The following KCNH7 variants were observed in gnomAD, a reference collection of about 807,000 sequenced individuals.
The protein encoded by KCNH7 is voltage-gated inwardly rectifying potassium channel KCNH7.
Under a neutral mutation model 120.8 loss-of-function variants are expected in KCNH7, and 49 were observed. The ratio of observed to expected loss-of-function variants is 0.41; its 90% CI spans 0.32 to 0.51. The LOEUF is 0.51. Ranked by LOEUF, KCNH7 falls within the 20% of genes least tolerant of loss-of-function variation. The pLI, the probability that KCNH7 is intolerant of heterozygous loss-of-function variation, is 0.38. For synonymous variants in KCNH7, 547 were observed against 516.1 expected, an observed-to-expected ratio of 1.06 and a Z score of -0.81; for missense variants, 1,097 against 1,446.6, an observed-to-expected ratio of 0.76 and a Z score of 3.92.
chr2:162,585,300 A>C (rs1693990527), intron 2 of KCNH7, among the ~76,000 whole-genome samples: 1 of 152,064 alleles, frequency 6.6e-6, no homozygotes, highest in South Asian at 2.1e-4. Flanking sequence ...TTTCTGCTGC[A>C]GTTGTAAACT....
intron 2 of KCNH7, among the ~76,000 whole-genome samples, chr2:162,714,497 A>G (rs983073548): frequency 6.6e-6 from 1 of 152,218 alleles, no homozygotes; most frequent in Non-Finnish European, 1.5e-5. Context: ...ACCCTTCCAA[A>G]TATTCACTGA....
chr2:162,526,551 C>T (rs919094542), intron 3 of KCNH7, among the ~76,000 whole-genome samples: 1 of 151,934 alleles, frequency 6.6e-6, no homozygotes, highest in Non-Finnish European at 1.5e-5. Context: ...AGGGATGTTC[C>T]TTGCTGAGAA....
Position 162,752,631 on chromosome 2 carries a change from G to T in KCNH7, c.307+83906C>A, listed in dbSNP as rs550422844. Among the ~76,000 whole-genome samples the T allele has an allele frequency of 5.3e-4, 80 of 152,068 alleles. 1 individual carries two copies. In the South Asian group the frequency reaches 0.011, roughly 21 times the overall value. On this transcript the variant is annotated intron_variant, in intron 2 of 15. Transcript: ENST00000332142. The stretch of plus-strand genomic sequence containing the variant: ...TTAAGAACCCCTGCCAGGTGCAGTG[G>T]CTCACGTCTGTAATCCCAGCACTTT...
In KCNH7 at chr2:162,384,644, A is replaced by T. The variant is rs762160162; in HGVS notation, c.2962+44T>A. The T allele has an allele frequency of 3.2e-6, 5 of 1,582,660 alleles. No individual in the cohort carries two copies. In the South Asian group the frequency reaches 5.7e-5, roughly 18 times the overall value. ...ATTTGTAAAAAGTCACCATTTTGTG[A>T]TTAGCACTGAAGAGAGACCACCTGA... On this transcript the variant is annotated intron_variant, in intron 13 of 15. Coordinates refer to ENST00000332142, the MANE Select transcript of KCNH7 (RefSeq NM_033272.4).
intron 2 of KCNH7, among the ~76,000 whole-genome samples, chr2:162,630,326 T>C (rs1367969063): frequency 6.6e-6 from 1 of 152,050 alleles, no homozygotes; most frequent in Non-Finnish European, 1.5e-5. Flanking sequence ...TTACACCCAT[T>C]GTTATGACAT....
chr2:162,760,623 T>C (rs947482317), intron 2 of KCNH7, among the ~76,000 whole-genome samples: 1 of 152,084 alleles, frequency 6.6e-6, no homozygotes, highest in Admixed American at 6.6e-5. Context: ...CTAAATAATA[T>C]CTTCTGAGCC....
chr2:162,400,554 T>C, intron 9 of KCNH7, 113 bp from the exon 10 acceptor site: 1 of 1,001,748 alleles, frequency 1.0e-6, no homozygotes, highest in Non-Finnish European at 1.5e-6. Flanking sequence ...CACGCAGGAG[T>C]TCCTACTACT....
intron 6 of KCNH7, among the ~76,000 whole-genome samples, chr2:162,461,213 T>C (rs1689135021): frequency 6.6e-6 from 1 of 152,168 alleles, no homozygotes; most frequent in Admixed American, 6.6e-5. Context: ...AAATTCATAA[T>C]AGGTCAAATA....
Position 162,767,861 on chromosome 2 carries a change from G to A in KCNH7, c.307+68676C>T, listed in dbSNP as rs563262043. Among the ~76,000 whole-genome samples, 5 of 152,152 alleles carry A rather than the reference G, an allele frequency of 3.3e-5. No homozygotes were observed. The South Asian group carries it at 1.0e-3, about 32-fold the overall frequency. On this transcript the variant is annotated intron_variant, in intron 2 of 15. Coordinates refer to ENST00000332142, the MANE Select transcript of KCNH7 (RefSeq NM_033272.4). ...ATTAATATGAACAAATTTTACCAGG[G>A]TTAGCCCCAGTTAGAAAGCATCATT...
chr2:162,511,060 G>A (rs1048756711), intron 5 of KCNH7, among the ~76,000 whole-genome samples: 3 of 151,660 alleles, frequency 2.0e-5, no homozygotes, highest in Admixed American at 2.0e-4. Flanking sequence ...AATTGTGATC[G>A]TAAAATTGAT....
intron 2 of KCNH7, among the ~76,000 whole-genome samples, chr2:162,720,380 C>T (rs538849325): frequency 5.7e-4 from 84 of 148,542 alleles, no homozygotes; most frequent in African/African-American, 2.0e-3. Flanking sequence ...AAGGATGAAC[C>T]ATGATGTGAG....
At chr2:162,712,071 T>C (rs1026480914) in intron 2 of KCNH7, among the ~76,000 whole-genome samples, 1 of 152,160 alleles carries the variant, frequency 6.6e-6, no homozygotes, top group Non-Finnish European at 1.5e-5. Context: ...AAAGTGTGCT[T>C]TGCCCTCAAG....
At chr2:162,530,384 A>G (rs1691874383) in intron 3 of KCNH7, among the ~76,000 whole-genome samples, 1 of 151,924 alleles carries the variant, frequency 6.6e-6, no homozygotes, top group African/African-American at 2.4e-5. Context: ...AGAAAGTAAC[A>G]TCTTCCCAAA....
chr2:162,430,982 C>T (rs999136342), intron 8 of KCNH7, among the ~76,000 whole-genome samples: 2 of 151,794 alleles, frequency 1.3e-5, no homozygotes, highest in South Asian at 4.1e-4. Context: ...CACAGTCTTC[C>T]TTTTTTATTT....
At chr2:162,693,111 T>C (rs909169395) in intron 2 of KCNH7, among the ~76,000 whole-genome samples, 1 of 152,190 alleles carries the variant, frequency 6.6e-6, no homozygotes, top group African/African-American at 2.4e-5. Flanking sequence ...AGAAGATGTT[T>C]TGGGAGAAAG....
chr2:162,665,982 G>A (rs1388219860), intron 2 of KCNH7, among the ~76,000 whole-genome samples: 1 of 152,134 alleles, frequency 6.6e-6, no homozygotes, highest in Non-Finnish European at 1.5e-5. Context: ...AGCGATTCAA[G>A]GGTATAGAGA....
intron 6 of KCNH7, among the ~76,000 whole-genome samples, chr2:162,465,511 G>C (rs891072592): frequency 1.3e-5 from 2 of 152,096 alleles, no homozygotes; most frequent in East Asian, 3.9e-4. Flanking sequence ...TTAATGGCAG[G>C]TTTCTGCATA....
chr2:162,724,382 T>C (rs564116248), intron 2 of KCNH7, among the ~76,000 whole-genome samples: 2 of 152,184 alleles, frequency 1.3e-5, no homozygotes, highest in African/African-American at 4.8e-5. Context: ...AACATAAGAA[T>C]ATACTGTAGG....
chr2:162,821,554 C>T (rs995274416), intron 2 of KCNH7, among the ~76,000 whole-genome samples: 1 of 152,186 alleles, frequency 6.6e-6, no homozygotes, highest in East Asian at 1.9e-4. Flanking sequence ...GAATGGCATA[C>T]ATTTTGAAAA....
Sources: gnomAD v4.1 joint callset for allele counts (sites outside exome capture counted in the v4.1 genomes callset) on GRCh38, gnomAD v4.1.1 for gene constraint, MANE v1.5 for transcripts, NCBI Gene and HGNC (gene_info 2026-07-23, HGNC 2026-07-21) for gene names.